Variants in SORCS2 observed in about 807,000 individuals in gnomAD.
SORCS2 encodes sortilin related VPS10 domain containing receptor 2.
SORCS2 carries 100 observed loss-of-function variants against 141.6 expected under a neutral mutation model. That is an observed-to-expected ratio of 0.71 (90% CI 0.60 to 0.83). SORCS2 has a LOEUF of 0.83. Ranked by LOEUF, SORCS2 falls within the 40% of genes least tolerant of loss-of-function variation. The pLI is 0.00. For missense variants in SORCS2, 1,646 were observed against 1,560.2 expected, an observed-to-expected ratio of 1.05 and a Z score of -0.93; for synonymous variants, 789 against 676.9, an observed-to-expected ratio of 1.17 and a Z score of -2.57.
intron 1 of SORCS2, among the ~76,000 whole-genome samples, chr4:7,225,854 G>T (rs1728960112): frequency 6.6e-6 from 1 of 152,190 alleles, no homozygotes; most frequent in South Asian, 2.1e-4. Context: ...GGCCTGTGCT[G>T]TGGCGAGGGG....
rs113309139 is a variant in SORCS2 at position 7,488,704 on chromosome 4, C to T, written c.549-42826C>T. Among the ~76,000 whole-genome samples the T allele has an allele frequency of 1.7e-3, 252 of 152,344 alleles. 3 individuals are homozygous for T. The highest frequency in any genetic ancestry group is 5.7e-3 in the African/African-American group (236 of 41,582). Reference sequence around the variant, plus strand: ...GGACCCATGAGTGTCTCAGCCAAGACGGGCACGTGTCCGTCACTGGCCATG... The same window carrying T: ...GGACCCATGAGTGTCTCAGCCAAGATGGGCACGTGTCCGTCACTGGCCATG... On this transcript the variant is annotated intron_variant, in intron 2 of 26. Coordinates refer to ENST00000507866, the MANE Select transcript of SORCS2 (RefSeq NM_020777.3).
At chr4:7,561,282 G>A (rs987434770) in intron 3 of SORCS2, among the ~76,000 whole-genome samples, 1 of 152,060 alleles carries the variant, frequency 6.6e-6, no homozygotes, top group Admixed American at 6.6e-5. Context: ...TGAGGTCTAG[G>A]TGGGACTCCA....
intron 2 of SORCS2, among the ~76,000 whole-genome samples, chr4:7,498,839 C>A (rs1404449657): frequency 1.3e-5 from 2 of 152,190 alleles, no homozygotes; most frequent in Non-Finnish European, 2.9e-5. Flanking sequence ...GAGTGCAGTG[C>A]CATAGAGGAG....
At position 7,633,982 on chromosome 4, in the gene SORCS2, G is replaced by T. The variant is rs1302167118; in HGVS notation, c.649-4346G>T. Among the ~76,000 whole-genome samples, 5 of 121,692 alleles carry T rather than the reference G, an allele frequency of 4.1e-5. 2 individuals are homozygous for T. Among genetic ancestry groups the T allele is most frequent in the Non-Finnish European group, 5.7e-5 (3 of 52,826 alleles). The allele number at this position is 121,692 out of a possible 152,430, so 79.8% of individuals were successfully genotyped here. On this transcript the variant is annotated intron_variant, in intron 3 of 26. Transcript: ENST00000507866. The stretch of plus-strand genomic sequence containing the variant: ...CTGGCCAAATGGCACAGACGTGTGG[G>T]TCAAAGTTGAATGGATGATGAATGA...
At chr4:7,574,476 CGTT>C (rs1457533793) in intron 3 of SORCS2, among the ~76,000 whole-genome samples, 3 of 152,280 alleles carry the variant, frequency 2.0e-5, no homozygotes, top group African/African-American at 7.2e-5. Context: ...GATTGCCTGC[CGTT>C]TCAGCTACGT....
chr4:7,306,049 C>T (rs958950374), intron 1 of SORCS2, among the ~76,000 whole-genome samples: 1 of 152,242 alleles, frequency 6.6e-6, no homozygotes, highest in Non-Finnish European at 1.5e-5. Flanking sequence ...TTCCTCGACA[C>T]ACTCTTGGGC....
At chr4:7,643,907 A>T (rs1002480006) in intron 4 of SORCS2, among the ~76,000 whole-genome samples, 3 of 152,180 alleles carry the variant, frequency 2.0e-5, no homozygotes, top group African/African-American at 7.2e-5. Flanking sequence ...AGACTTGAGA[A>T]CAGGGAAAAG....
chr4:7,638,534 G>T, intron 4 of SORCS2, 42 bp downstream of exon 4: 1 of 1,572,650 alleles, frequency 6.4e-7, no homozygotes, highest in Non-Finnish European at 8.6e-7. Flanking sequence ...GTGGGGCTGG[G>T]GTCTGCTCGA....
At chr4:7,219,308 C>G (rs544985004) in intron 1 of SORCS2, among the ~76,000 whole-genome samples, 2 of 152,178 alleles carry the variant, frequency 1.3e-5, no homozygotes, top group South Asian at 4.1e-4. Flanking sequence ...CAAACCCAGA[C>G]TCTGGTTTCT....
At position 7,682,867 on chromosome 4, in the gene SORCS2, G is replaced by T. The variant is rs1311934497; in HGVS notation, c.1466G>T (p.Gly489Val). 11 of 1,613,408 alleles carry T rather than the reference G, an allele frequency of 6.8e-6. No homozygotes were observed. Among genetic ancestry groups the T allele is most frequent in the Non-Finnish European group, 9.3e-6 (11 of 1,179,736 alleles). The change falls in exon 10 of 27, where the codon GGA becomes GTA. Residue 489 changes from glycine to valine, a missense_variant. Transcript: ENST00000507866. ...YLRPPSMDMN[G>V]KPTNCKPPDC... ...AGGCCACCCAGCATGGACATGAATGGAAAACCAACCAACTGCAAGCCTGTA... is the reference window on the plus strand; with the variant it reads ...AGGCCACCCAGCATGGACATGAATGTAAAACCAACCAACTGCAAGCCTGTA...
intron 3 of SORCS2, among the ~76,000 whole-genome samples, chr4:7,613,239 T>G (rs1171853376): frequency 1.3e-5 from 2 of 152,230 alleles, no homozygotes; most frequent in African/African-American, 4.8e-5. Flanking sequence ...ACTGAGAAAT[T>G]AAATACATTT....
intron 2 of SORCS2, among the ~76,000 whole-genome samples, chr4:7,410,503 T>G (rs1427737593): frequency 6.6e-6 from 1 of 152,222 alleles, no homozygotes; most frequent in Non-Finnish European, 1.5e-5. Context: ...CAGACCTCAT[T>G]GTAGACCTCA....
At chr4:7,290,697 C>T (rs983148434) in intron 1 of SORCS2, among the ~76,000 whole-genome samples, 10 of 152,256 alleles carry the variant, frequency 6.6e-5, no homozygotes, top group East Asian at 3.9e-4. Context: ...TATGTATGTG[C>T]GTGTGTGCGT....
At chr4:7,522,117 A>G (rs1477031536) in intron 2 of SORCS2, among the ~76,000 whole-genome samples, 1 of 152,186 alleles carries the variant, frequency 6.6e-6, no homozygotes, top group African/African-American at 2.4e-5. Flanking sequence ...TAAGTCTCAG[A>G]AAGGTGTAAA....
At chr4:7,554,470 A>G (rs1376031691) in intron 3 of SORCS2, among the ~76,000 whole-genome samples, 1 of 152,164 alleles carries the variant, frequency 6.6e-6, no homozygotes, top group Non-Finnish European at 1.5e-5. Context: ...CCTCCCCCAG[A>G]GGCCCTACTC....
chr4:7,215,407 T>G (rs1465520294), intron 1 of SORCS2, among the ~76,000 whole-genome samples: 1 of 152,228 alleles, frequency 6.6e-6, no homozygotes, highest in East Asian at 1.9e-4. Context: ...TGCCTGAGCC[T>G]TCCCCCGACT....
intron 3 of SORCS2, among the ~76,000 whole-genome samples, chr4:7,547,781 AC>A (rs1560376858): frequency 6.6e-6 from 1 of 152,104 alleles, no homozygotes; most frequent in Non-Finnish European, 1.5e-5. Flanking sequence ...TGTCTTCCTT[AC>A]CCCACAGATG....
At chr4:7,330,428 C>G (rs969619904) in intron 1 of SORCS2, among the ~76,000 whole-genome samples, 2 of 151,860 alleles carry the variant, frequency 1.3e-5, no homozygotes, top group Non-Finnish European at 2.9e-5. Flanking sequence ...GAGGATGAGT[C>G]TGGTTGAGCT....
chr4:7,263,887 G>A (rs982726269), intron 1 of SORCS2, among the ~76,000 whole-genome samples: 4 of 152,298 alleles, frequency 2.6e-5, no homozygotes, highest in Admixed American at 6.5e-5. Context: ...ACCTTGGTGC[G>A]TCTCGTTCCC....
Sources: allele counts gnomAD v4.1 joint callset (sites outside exome capture counted in the v4.1 genomes callset), GRCh38; gene constraint gnomAD v4.1.1; transcripts MANE v1.5; gene names NCBI Gene and HGNC (gene_info 2026-07-23, HGNC 2026-07-21).